Variants in TENM3 observed in about 807,000 individuals in gnomAD.
The protein encoded by TENM3 is teneurin transmembrane protein 3.
A neutral mutation model predicts 255.1 loss-of-function variants in TENM3; 63 were observed. The observed-to-expected ratio is 0.25, with a 90% CI of 0.20 to 0.30. The LOEUF (loss-of-function observed/expected upper bound fraction) is 0.30. TENM3 is among the 10% of genes least tolerant of loss of function. TENM3 has a pLI of 1.00. For missense variants in TENM3, 2,929 were observed against 3,461.1 expected, an observed-to-expected ratio of 0.85 and a Z score of 3.86; for synonymous variants, 1,306 against 1,322.3, an observed-to-expected ratio of 0.99 and a Z score of 0.27.
chr4:182,494,352 G>A (rs958037401), intron 3 of TENM3, among the ~76,000 whole-genome samples: 1 of 152,092 alleles, frequency 6.6e-6, no homozygotes, highest in Non-Finnish European at 1.5e-5. Context: ...GTACAGTGAG[G>A]TACTTTGTGA....
the TENM3 span, among the ~76,000 whole-genome samples, chr4:181,653,236 A>G: frequency 6.6e-6 from 1 of 152,148 alleles, no homozygotes; most frequent in East Asian, 1.9e-4. Flanking sequence ...AGAGCTCCTT[A>G]CAACACAGAT....
chr4:182,735,317 G>T (rs1182083189), intron 16 of TENM3, among the ~76,000 whole-genome samples: 1 of 152,172 alleles, frequency 6.6e-6, no homozygotes, highest in East Asian at 1.9e-4. Flanking sequence ...CCCTCTTCAT[G>T]CCAACACTGA....
At chr4:182,764,837 G>A (rs1434202233) in intron 22 of TENM3, among the ~76,000 whole-genome samples, 1 of 152,184 alleles carries the variant, frequency 6.6e-6, no homozygotes, top group Non-Finnish European at 1.5e-5. Flanking sequence ...AACAGGGACA[G>A]CAACATAGCC....
intron 4 of TENM3, among the ~76,000 whole-genome samples, chr4:182,603,784 T>TATATATATATATATATATATACAC (rs58332965): frequency 5.1e-4 from 68 of 134,186 alleles, no homozygotes; most frequent in African/African-American, 1.5e-3. Context: ...TATATATATA[T>TATATATATATATATATATATACAC]ACACACACAC....
Position 182,647,141 on chromosome 4 carries a change from C to T in TENM3, c.989-6630C>T, listed in dbSNP as rs553361069. Reference sequence around the variant, plus strand: ...CTTCATACCGTCTGGGTTAAGTTTCCGACTTTGTGTCACAGTCCCATTTCT... The same window carrying T: ...CTTCATACCGTCTGGGTTAAGTTTCTGACTTTGTGTCACAGTCCCATTTCT... On this transcript the variant is annotated intron_variant, in intron 5 of 27. Transcript: ENST00000511685. Among the ~76,000 whole-genome samples the T allele has an allele frequency of 4.6e-5, 7 of 152,248 alleles. No homozygotes were observed. The South Asian group carries it at 6.2e-4, about 14-fold the overall frequency.
At chr4:182,361,236 T>C (rs1318836781) in intron 3 of TENM3, among the ~76,000 whole-genome samples, 1 of 152,136 alleles carries the variant, frequency 6.6e-6, no homozygotes, top group Non-Finnish European at 1.5e-5. Flanking sequence ...CTTTGTGGCG[T>C]TCTCTGTATT....
the TENM3 span, among the ~76,000 whole-genome samples, chr4:181,575,149 T>G: frequency 6.6e-6 from 1 of 152,160 alleles, no homozygotes; most frequent in Non-Finnish European, 1.5e-5. Context: ...GGAGTTTAAG[T>G]TTTTTGTTAT....
At chr4:182,428,721 G>A (rs966349973) in intron 3 of TENM3, among the ~76,000 whole-genome samples, 6 of 151,890 alleles carry the variant, frequency 4.0e-5, no homozygotes, top group South Asian at 2.1e-4. Flanking sequence ...AAAATATTTC[G>A]TAAAATATAA....
intron 16 of TENM3, among the ~76,000 whole-genome samples, chr4:182,731,934 A>G (rs1353798949): frequency 1.3e-5 from 2 of 151,992 alleles, no homozygotes; most frequent in East Asian, 3.9e-4. Context: ...GGCGACTGCC[A>G]CCAAGCCAAG....
chr4:182,506,488 G>T (rs78299089), intron 3 of TENM3, among the ~76,000 whole-genome samples: 5,985 of 152,140 alleles, frequency 0.039, 226 homozygotes, highest in East Asian at 0.11. Flanking sequence ...AAAGTGTCTT[G>T]CTCTTTCTCT....
At chr4:181,657,908 T>G in the TENM3 span, among the ~76,000 whole-genome samples, 3 of 152,184 alleles carry the variant, frequency 2.0e-5, no homozygotes, top group African/African-American at 7.2e-5. Context: ...ATACTGTGTG[T>G]TCTCACTTAC....
At chr4:182,594,643 A>G (rs1424702156) in intron 3 of TENM3, among the ~76,000 whole-genome samples, 1 of 149,612 alleles carries the variant, frequency 6.7e-6, no homozygotes, top group Non-Finnish European at 1.5e-5. Context: ...GTTTTTCCTC[A>G]TGATGTTCTG....
rs879703765 is a variant in TENM3 at position 182,161,975 on chromosome 4, A to G, written c.-76+17221A>G. ...TGTGTGTGTGTATATATATATATATATATATATATATATATATATATGATG... is the reference window on the plus strand; with the variant it reads ...TGTGTGTGTGTATATATATATATATGTATATATATATATATATATATGATG... On this transcript the variant is annotated intron_variant, in intron 1 of 2. Coordinates refer to the TENM3 transcript ENST00000512480. Among the ~76,000 whole-genome samples, 2 of 104,964 alleles carry G rather than the reference A, an allele frequency of 1.9e-5. 1 individual carries two copies. The highest frequency in any genetic ancestry group is 4.6e-5 in the Non-Finnish European group (2 of 43,572). 68.9% of individuals were successfully genotyped at this position (104,964 alleles called of 152,430 possible).
At chr4:181,919,217 C>A in the TENM3 span, among the ~76,000 whole-genome samples, 4 of 152,048 alleles carry the variant, frequency 2.6e-5, no homozygotes, top group Admixed American at 6.5e-5. Flanking sequence ...GGGTAGCCAC[C>A]CAAAATGTTT....
chr4:182,347,285 G>A (rs975665042), intron 3 of TENM3, among the ~76,000 whole-genome samples: 8 of 152,130 alleles, frequency 5.3e-5, no homozygotes, highest in East Asian at 3.9e-4. Flanking sequence ...GGCAAAGCAC[G>A]TGTTGATAAA....
upstream of TENM3, among the ~76,000 whole-genome samples, chr4:182,140,188 T>C (rs978455705): frequency 6.6e-6 from 1 of 152,238 alleles, no homozygotes; most frequent in African/African-American, 2.4e-5. Context: ...CTGTTGCAGA[T>C]TAATTGCTTG....
At chr4:181,839,334 A>G in the TENM3 span, among the ~76,000 whole-genome samples, 59 of 138,688 alleles carry the variant, frequency 4.3e-4, no homozygotes, top group African/African-American at 1.4e-3. Context: ...ATGTGCATAT[A>G]TGTATTGAGG....
At chr4:182,563,388 C>T (rs768985644) in intron 3 of TENM3, among the ~76,000 whole-genome samples, 2 of 152,020 alleles carry the variant, frequency 1.3e-5, no homozygotes, top group Non-Finnish European at 2.9e-5. Context: ...GAGCTGAGAT[C>T]ATGCCACGGC....
In TENM3 at chr4:182,193,045, G is replaced by A. The variant is rs149823148; in HGVS notation, c.-76+48291G>A. On this transcript the variant is annotated intron_variant, in intron 1 of 2. Transcript: ENST00000512480. ...GTGTGCCTGCTGAACCTAGCAATAA[G>A]CTTTCCAGTATTTCTTTCATCATGA... Among the ~76,000 whole-genome samples, 24 of 152,210 alleles carry A rather than the reference G, an allele frequency of 1.6e-4. 1 individual carries two copies. Among genetic ancestry groups the A allele is most frequent in the Middle Eastern group, 3.4e-3 (1 of 294 alleles).
Sources: allele counts gnomAD v4.1 joint callset (sites outside exome capture counted in the v4.1 genomes callset), GRCh38; gene constraint gnomAD v4.1.1; transcripts MANE v1.5; gene names NCBI Gene and HGNC (gene_info 2026-07-23, HGNC 2026-07-21).